Variants in SYT1 observed in about 807,000 individuals in gnomAD.
SYT1 encodes the protein synaptotagmin 1.
SYT1 carries 8 observed loss-of-function variants against 44.8 expected under a neutral mutation model. The ratio of observed to expected loss-of-function variants is 0.18; its 90% CI spans 0.10 to 0.32. The LOEUF is 0.32. Among genes scored for constraint, SYT1 ranks in the 10% least tolerant of loss-of-function variants. The pLI is 1.00. For missense variants in SYT1, 286 were observed against 509.3 expected (o/e 0.56, Z 4.22); for synonymous variants, 154 against 188.8 (o/e 0.82, Z 1.51).
intron 3 of SYT1, among the ~76,000 whole-genome samples, chr12:79,165,231 G>T (rs1871161799): frequency 6.6e-6 from 1 of 151,856 alleles, no homozygotes; most frequent in South Asian, 2.1e-4. Flanking sequence ...GTTTTTCTAT[G>T]TCATTTATGG....
intron 9 of SYT1, among the ~76,000 whole-genome samples, chr12:79,400,649 G>A (rs923983401): frequency 5.3e-5 from 8 of 152,194 alleles, no homozygotes; most frequent in African/African-American, 1.9e-4. Flanking sequence ...AATCACCTCT[G>A]GTGAAACACA....
intron 1 of SYT1, among the ~76,000 whole-genome samples, chr12:78,941,630 TG>T (rs1435562092): frequency 6.6e-6 from 1 of 152,240 alleles, no homozygotes; most frequent in African/African-American, 2.4e-5. Flanking sequence ...CTGGTCAAAA[TG>T]AAAGACTGCT....
intron 6 of SYT1, among the ~76,000 whole-genome samples, chr12:79,295,481 C>T (rs909274196): frequency 6.6e-6 from 1 of 152,128 alleles, no homozygotes; most frequent in Non-Finnish European, 1.5e-5. Context: ...TATTTAAACA[C>T]AGAATCTCAT....
chr12:79,410,992 A>C (rs928506602), intron 9 of SYT1, among the ~76,000 whole-genome samples: 1 of 152,222 alleles, frequency 6.6e-6, no homozygotes, highest in African/African-American at 2.4e-5. Context: ...GCAATAACCA[A>C]CCACAAACAC....
chr12:78,989,526 C>T (rs1175066830), intron 2 of SYT1, among the ~76,000 whole-genome samples: 1 of 152,064 alleles, frequency 6.6e-6, no homozygotes, highest in African/African-American at 2.4e-5. Flanking sequence ...CATATCCTCC[C>T]ATGGCAACAG....
intron 3 of SYT1, among the ~76,000 whole-genome samples, chr12:79,190,871 CAT>C (rs1873075736): frequency 6.6e-6 from 1 of 151,972 alleles, no homozygotes; most frequent in African/African-American, 2.4e-5. Context: ...TAATATATTA[CAT>C]GTTTTGTATC....
intron 9 of SYT1, among the ~76,000 whole-genome samples, chr12:79,380,245 A>G (rs1884161367): frequency 6.6e-6 from 1 of 152,190 alleles, no homozygotes; most frequent in Admixed American, 6.5e-5. Context: ...AACTGCAGAA[A>G]CAAATTAGCA....
intron 1 of SYT1, among the ~76,000 whole-genome samples, chr12:78,915,850 G>A (rs914849524): frequency 4.6e-5 from 7 of 151,880 alleles, no homozygotes; most frequent in African/African-American, 1.7e-4. Flanking sequence ...CTATGCTTGA[G>A]ACCATTTTCA....
At chr12:79,372,025 A>C (rs1237592492) in intron 9 of SYT1, among the ~76,000 whole-genome samples, 1 of 152,192 alleles carries the variant, frequency 6.6e-6, no homozygotes, top group Non-Finnish European at 1.5e-5. Flanking sequence ...CTCATTCATG[A>C]GAATGAATTG....
intron 9 of SYT1, among the ~76,000 whole-genome samples, chr12:79,403,173 C>T (rs1375536741): frequency 6.6e-6 from 1 of 152,186 alleles, no homozygotes; most frequent in Non-Finnish European, 1.5e-5. Context: ...GATGTATCTT[C>T]ATGCTTCAGC....
intron 1 of SYT1, among the ~76,000 whole-genome samples, chr12:78,932,499 A>T (rs1260180068): frequency 6.6e-6 from 1 of 152,242 alleles, no homozygotes; most frequent in African/African-American, 2.4e-5. Context: ...TTGAAAGGAT[A>T]CTATTGCAAT....
chr12:79,262,183 A>T (rs1877865767), intron 4 of SYT1, among the ~76,000 whole-genome samples: 1 of 152,210 alleles, frequency 6.6e-6, no homozygotes, highest in South Asian at 2.1e-4. Context: ...TGTAGTTAAC[A>T]AGCCTTTTTT....
chr12:79,366,419 C>G (rs1345440639), intron 9 of SYT1, among the ~76,000 whole-genome samples: 3 of 152,238 alleles, frequency 2.0e-5, no homozygotes, highest in Admixed American at 2.0e-4. Context: ...AGGAATTTAA[C>G]TTTATAGAAA....
intron 3 of SYT1, among the ~76,000 whole-genome samples, chr12:79,176,168 G>A (rs1592819965): frequency 1.3e-5 from 2 of 151,392 alleles, no homozygotes; most frequent in East Asian, 2.0e-4. Context: ...TGCATGCCTG[G>A]AATCCCAGCT....
chr12:79,124,803 T>C (rs1042279192), intron 3 of SYT1, among the ~76,000 whole-genome samples: 1 of 152,024 alleles, frequency 6.6e-6, no homozygotes, highest in Non-Finnish European at 1.5e-5. Context: ...ATCTCTACTC[T>C]TTTTTTTAAT....
At chr12:79,100,143 G>A (rs1878362369) in intron 3 of SYT1, among the ~76,000 whole-genome samples, 3 of 152,072 alleles carry the variant, frequency 2.0e-5, no homozygotes. Flanking sequence ...TTCTTTGGAG[G>A]TATTGTTTTA....
chr12:79,135,247 T>TC lies in SYT1; in HGVS notation c.-17-82250dup, dbSNP rs750646246. On this transcript the variant is annotated intron_variant, in intron 3 of 10. Transcript: ENST00000261205. ...TAGGTATATCTCCTAATGCTATCCC[T>TC]CCCCCCTCCCCCCATCCCACAACAG... Among the ~76,000 whole-genome samples, 32 of 122,768 alleles carry TC rather than the reference T, an allele frequency of 2.6e-4. 1 individual carries two copies. The highest frequency in any genetic ancestry group is 2.3e-3 in the East Asian group (8 of 3,470). 80.5% of individuals were successfully genotyped at this position (122,768 alleles called of 152,430 possible).
At chr12:79,279,400 A>G (rs892501900) in intron 4 of SYT1, among the ~76,000 whole-genome samples, 1 of 152,182 alleles carries the variant, frequency 6.6e-6, no homozygotes, top group African/African-American at 2.4e-5. Flanking sequence ...TAAAAACCAT[A>G]TGATCGTATC....
chr12:78,880,821 A>G (rs1175059140), intron 1 of SYT1, among the ~76,000 whole-genome samples: 2 of 151,634 alleles, frequency 1.3e-5, no homozygotes, highest in Non-Finnish European at 3.0e-5. Flanking sequence ...GGAAACTTAA[A>G]CTTTCTAGTG....
Sources: gnomAD v4.1 joint callset for allele counts (sites outside exome capture counted in the v4.1 genomes callset) on GRCh38, gnomAD v4.1.1 for gene constraint, MANE v1.5 for transcripts, NCBI Gene and HGNC (gene_info 2026-07-23, HGNC 2026-07-21) for gene names.